Variants in SSBP3 observed in about 807,000 individuals in gnomAD.
SSBP3 encodes single stranded DNA binding protein 3.
Under a neutral mutation model 69.6 loss-of-function variants are expected in SSBP3, and 5 were observed. The observed-to-expected ratio is 0.07, with a 90% CI of 0.04 to 0.15. SSBP3 has a LOEUF of 0.15. Ranked by LOEUF, SSBP3 falls within the 10% of genes least tolerant of loss-of-function variation. SSBP3 has a pLI of 1.00. For missense variants in SSBP3, 312 were observed against 534.0 expected (o/e 0.58, Z 4.10); for synonymous variants, 196 against 193.4 (o/e 1.01, Z -0.11).
chr1:54,320,466 C>T (rs775251979), intron 4 of SSBP3, among the ~76,000 whole-genome samples: 4 of 144,744 alleles, frequency 2.8e-5, no homozygotes, highest in Non-Finnish European at 6.0e-5. Flanking sequence ...TACAGGTGCC[C>T]GCCACCATGC....
intron 4 of SSBP3, among the ~76,000 whole-genome samples, chr1:54,389,789 A>G (rs1414588514): frequency 2.6e-5 from 4 of 152,024 alleles, no homozygotes; most frequent in Admixed American, 2.6e-4. Flanking sequence ...GAGCCAGGAG[A>G]ATCACCTGAG....
chr1:54,344,722 G>A (rs1569878568), intron 4 of SSBP3, among the ~76,000 whole-genome samples: 1 of 152,324 alleles, frequency 6.6e-6, no homozygotes, highest in South Asian at 2.1e-4. Flanking sequence ...TAGCAACAGA[G>A]AACAGGTTCT....
At chr1:54,405,928 CCG>C in intron 1 of SSBP3, 23 bp downstream of exon 1, 1 of 1,297,386 alleles carries the variant, frequency 7.7e-7, no homozygotes, top group Non-Finnish European at 1.0e-6. Flanking sequence ...GGCGGCGCGG[CCG>C]CCACTTGCAA....
At chr1:54,357,529 C>T (rs971645736) in intron 4 of SSBP3, among the ~76,000 whole-genome samples, 5 of 152,152 alleles carry the variant, frequency 3.3e-5, no homozygotes, top group African/African-American at 1.2e-4. Context: ...CTCCTGCTCC[C>T]CAGCCAGCCC....
At chr1:54,320,231 C>A (rs1178092881) in intron 4 of SSBP3, among the ~76,000 whole-genome samples, 1 of 152,028 alleles carries the variant, frequency 6.6e-6, no homozygotes, top group East Asian at 1.9e-4. Flanking sequence ...GTGACACTGG[C>A]CTTTTTCAAA....
exon 18 of SSBP3, chr1:54,226,930 G>A (rs1314728468): frequency 1.7e-6 from 1 of 598,656 alleles, no homozygotes; most frequent in African/African-American, 1.9e-5. Context: ...TTGTTTTATG[G>A]AATAAAAAGT....
chr1:54,335,135 A>T (rs1646486647), intron 4 of SSBP3, among the ~76,000 whole-genome samples: 1 of 152,140 alleles, frequency 6.6e-6, no homozygotes, highest in African/African-American at 2.4e-5. Context: ...TTTGCCCAAC[A>T]CCCGGACACA....
At chr1:54,374,833 A>C (rs905016510) in intron 4 of SSBP3, among the ~76,000 whole-genome samples, 2 of 152,226 alleles carry the variant, frequency 1.3e-5, no homozygotes, top group African/African-American at 2.4e-5. Flanking sequence ...CCAGAGCATG[A>C]ACTTGCTTAA....
intron 5 of SSBP3, among the ~76,000 whole-genome samples, chr1:54,277,874 T>A (rs1216550082): frequency 6.6e-6 from 1 of 152,014 alleles, no homozygotes; most frequent in Non-Finnish European, 1.5e-5. Context: ...TCAGTGAGGC[T>A]GGCCAAAGCC....
chr1:54,388,603 C>T (rs1475718404), intron 4 of SSBP3, among the ~76,000 whole-genome samples: 5 of 152,214 alleles, frequency 3.3e-5, no homozygotes, highest in Non-Finnish European at 7.3e-5. Flanking sequence ...TTTCCGGACT[C>T]GCTGTCCAGT....
intron 4 of SSBP3, among the ~76,000 whole-genome samples, chr1:54,392,366 C>G (rs908348513): frequency 1.3e-5 from 2 of 152,220 alleles, no homozygotes; most frequent in African/African-American, 2.4e-5. Flanking sequence ...TGTCTCTGGG[C>G]TAGTGGCCTT....
At position 54,404,939 on chromosome 1, in the gene SSBP3, T is replaced by C. The variant is rs1010582838; in HGVS notation, c.57-9A>G. ...AGACGTATAAAGCTAACCTGGAAAG[T>C]GGACAGGGGGCAAAGAGAGAGAGGG... On this transcript the variant is annotated splice_polypyrimidine_tract_variant and intron_variant, in intron 1 of 17. Transcript: ENST00000610401. 1.2e-6 allele frequency: 2 copies of C among 1,610,938 alleles called. No homozygotes were observed. The highest frequency in any genetic ancestry group is 8.5e-7 in the Non-Finnish European group (1 of 1,179,260).
intron 4 of SSBP3, among the ~76,000 whole-genome samples, chr1:54,310,378 T>G (rs17392972): frequency 1.3e-5 from 2 of 151,922 alleles, no homozygotes; most frequent in African/African-American, 4.8e-5. Flanking sequence ...CTAAAGGCAT[T>G]GAGAGCATGG....
chr1:54,248,209 G>C (rs1407416154), intron 9 of SSBP3, among the ~76,000 whole-genome samples: 1 of 152,220 alleles, frequency 6.6e-6, no homozygotes, highest in Non-Finnish European at 1.5e-5. Flanking sequence ...CTTTGAGCCT[G>C]GTCTCAGCAC....
In SSBP3 at chr1:54,244,417, T is replaced by A. The variant is rs572507433; in HGVS notation, c.652-1118A>T. Among the ~76,000 whole-genome samples the A allele has an allele frequency of 3.2e-3, 480 of 150,684 alleles. 1 individual carries two copies. Among genetic ancestry groups the A allele is most frequent in the Middle Eastern group, 0.01 (3 of 294 alleles). On this transcript the variant is annotated intron_variant, in intron 9 of 17. Transcript: ENST00000610401. ...GCACCCAGCCTGCCCAGCTAATTTTTAAATTTTTTTGTAGAGATGGGGTCT... is the reference window on the plus strand; with the variant it reads ...GCACCCAGCCTGCCCAGCTAATTTTAAAATTTTTTTGTAGAGATGGGGTCT...
chr1:54,240,100 G>A (rs1373699113), intron 13 of SSBP3, among the ~76,000 whole-genome samples: 821 of 9,162 alleles, frequency 0.09, 20 homozygotes, highest in African/African-American at 0.32. Context: ...GCGCGCGCGC[G>A]TGTGCGTGCG....
intron 4 of SSBP3, among the ~76,000 whole-genome samples, chr1:54,283,272 TAAAAAA>T (rs60875737): frequency 1.3e-4 from 16 of 126,554 alleles, no homozygotes; most frequent in African/African-American, 3.4e-4. Context: ...CCCCATCTCA[TAAAAAA>T]AAAAAAAAAA....
At chr1:54,253,756 G>T (rs1035059094) in intron 7 of SSBP3, among the ~76,000 whole-genome samples, 2 of 152,200 alleles carry the variant, frequency 1.3e-5, no homozygotes, top group Non-Finnish European at 2.9e-5. Context: ...GGAGGTGGAT[G>T]GGGGACCTTC....
At chr1:54,407,011 G>T (rs1035173699), upstream of SSBP3, among the ~76,000 whole-genome samples, 1 of 152,072 alleles carries the variant, frequency 6.6e-6, no homozygotes, top group African/African-American at 2.4e-5. Flanking sequence ...CGAGCGCCGG[G>T]CCCGGGGCTC....
Sources: allele counts gnomAD v4.1 joint callset (sites outside exome capture counted in the v4.1 genomes callset), GRCh38; gene constraint gnomAD v4.1.1; transcripts MANE v1.5; gene names NCBI Gene and HGNC (gene_info 2026-07-23, HGNC 2026-07-21).